The following AGBL1 variants were observed in gnomAD, a reference collection of about 807,000 sequenced individuals.
AGBL1 encodes cytosolic carboxypeptidase 4.
Under a neutral mutation model 118.9 loss-of-function variants are expected in AGBL1, and 130 were observed. That is an observed-to-expected ratio of 1.09 (90% CI 0.95 to 1.26). The LOEUF (loss-of-function observed/expected upper bound fraction) is 1.26, where lower values mean the gene tolerates loss of function less well. Ranked by LOEUF, AGBL1 falls within the 50% of genes most tolerant of loss-of-function variation. The pLI, the probability that AGBL1 is intolerant of heterozygous loss-of-function variation, is 0.00. For synonymous variants in AGBL1, 555 were observed against 478.9 expected (o/e 1.16, Z -2.08); for missense variants, 1,584 against 1,298.1 (o/e 1.22, Z -3.38).
At chr15:86,391,016 A>AT (rs1232516437) in intron 17 of AGBL1, among the ~76,000 whole-genome samples, 2 of 142,620 alleles carry the variant, frequency 1.4e-5, no homozygotes, top group African/African-American at 2.8e-5. Context: ...CACTATGGTG[A>AT]TAAAAAAAAA....
chr15:86,232,343 G>A (rs1288622492), intron 6 of AGBL1, among the ~76,000 whole-genome samples: 1 of 152,188 alleles, frequency 6.6e-6, no homozygotes, highest in Non-Finnish European at 1.5e-5. Flanking sequence ...CGGCCATGTG[G>A]TGGTGCTGTT....
Position 86,674,381 on chromosome 15 carries a change from C to T in AGBL1, c.3103C>T (p.Gln1035Ter), listed in dbSNP as rs768831404. Residue 1035 changes from glutamine (Q) to a stop codon, truncating the protein, a stop_gained, in exon 22 of 23, where the codon CAA becomes TAA. Coordinates refer to ENST00000614907, the MANE Select transcript of AGBL1 (RefSeq NM_001386094.1). LOFTEE classifies it high-confidence loss of function. ...CAGCTGCAGCCATCAGCTCCTGGCT[C>T]AAGCTGCAACTCTGCTGAGTGCTGA... ...SASCSHQLLA[Q>*]AATLLSAEED... 23 of 1,613,012 alleles carry T rather than the reference C, an allele frequency of 1.4e-5. No homozygotes were observed. The highest frequency in any genetic ancestry group is 3.3e-5 in the South Asian group (3 of 90,922).
At chr15:86,315,737 T>C (rs1450079065) in intron 17 of AGBL1, among the ~76,000 whole-genome samples, 1 of 124,766 alleles carries the variant, frequency 8.0e-6, no homozygotes, top group Non-Finnish European at 1.7e-5. Context: ...AAAAAAAAAG[T>C]ATATGTAAAA....
At chr15:86,747,262 T>A (rs2077771346) in intron 22 of AGBL1, among the ~76,000 whole-genome samples, 1 of 152,058 alleles carries the variant, frequency 6.6e-6, no homozygotes, top group Admixed American at 6.6e-5. Context: ...TTTGTAAAAA[T>A]ATTTGAAAGA....
rs1403970878 is a variant in AGBL1, at chr15:86,912,573, C to G, written c.*5279C>G. 1 of 152,130 alleles carries G rather than the reference C, an allele frequency of 6.6e-6. No individual in the cohort carries two copies. Among genetic ancestry groups the G allele is most frequent in the Non-Finnish European group, 1.5e-5 (1 of 68,042 alleles). 9.4% of individuals were successfully genotyped at this position (152,130 alleles called of 1,614,324 possible). A position where few individuals can be genotyped will look rare whatever the true frequency, so the allele number is the denominator to read the frequency against. ...TGAAATTAACCTGCTCCCTGAGTTA[C>G]AAGCTCACCTTGAGGGCTGCCAACA... On this transcript the variant is annotated 3_prime_UTR_variant, in exon 23 of 23. Coordinates refer to ENST00000614907, the MANE Select transcript of AGBL1 (RefSeq NM_001386094.1).
chr15:86,713,222 G>T (rs1223675051), intron 22 of AGBL1, among the ~76,000 whole-genome samples: 1 of 152,096 alleles, frequency 6.6e-6, no homozygotes, highest in Non-Finnish European at 1.5e-5. Context: ...AAAGAGTTTG[G>T]GGAAGGACAA....
At chr15:86,080,109 C>A in intron 1 of AGBL1, 86 bp downstream of exon 1, 1 of 1,072,614 alleles carries the variant, frequency 9.3e-7, no homozygotes. Flanking sequence ...ACACAGTCCC[C>A]TCTGGCAGTC....
chr15:86,921,664 G>A (rs2080483160), intron 23 of AGBL1, among the ~76,000 whole-genome samples: 1 of 152,148 alleles, frequency 6.6e-6, no homozygotes, highest in Non-Finnish European at 1.5e-5. Flanking sequence ...GATGAGGTTT[G>A]GAGTTGCCTA....
At position 86,213,879 on chromosome 15, in the gene AGBL1, C is replaced by G. The variant is rs1004698980; in HGVS notation, c.489-11035C>G. ...CTACTGTCAAAACTTTGTTGTTACC[C>G]CCTAAATTCTGTCTGTAATCATTAA... is the stretch of plus-strand genomic sequence containing the variant. On this transcript the variant is annotated intron_variant, in intron 5 of 22. Transcript: ENST00000614907. Among the ~76,000 whole-genome samples, 5 of 152,184 alleles carry G rather than the reference C, an allele frequency of 3.3e-5. No individual in the cohort carries two copies. The East Asian group carries it at 9.7e-4, about 29-fold the overall frequency.
At chr15:86,804,095 A>T (rs1213709687) in intron 22 of AGBL1, among the ~76,000 whole-genome samples, 1 of 152,168 alleles carries the variant, frequency 6.6e-6, no homozygotes, top group Non-Finnish European at 1.5e-5. Flanking sequence ...CTAGAAGACA[A>T]AGGGATCATG....
intron 18 of AGBL1, among the ~76,000 whole-genome samples, chr15:86,406,888 C>G (rs1166426690): frequency 6.6e-6 from 1 of 152,098 alleles, no homozygotes; most frequent in African/African-American, 2.4e-5. Context: ...TCATTATAAA[C>G]TGTAGAAAGA....
intron 17 of AGBL1, among the ~76,000 whole-genome samples, chr15:86,372,942 A>T (rs1296419208): frequency 6.6e-6 from 1 of 152,080 alleles, no homozygotes; most frequent in Non-Finnish European, 1.5e-5. Flanking sequence ...GGATTCCAGA[A>T]GAGTAAATTT....
intron 23 of AGBL1, among the ~76,000 whole-genome samples, chr15:86,977,456 G>A (rs966287059): frequency 2.7e-5 from 4 of 149,764 alleles, no homozygotes; most frequent in African/African-American, 7.3e-5. Flanking sequence ...AAATATCATT[G>A]GATAGTCATT....
At chr15:86,741,313 G>T (rs1596433883) in intron 22 of AGBL1, among the ~76,000 whole-genome samples, 1 of 137,862 alleles carries the variant, frequency 7.3e-6, no homozygotes, top group Non-Finnish European at 1.5e-5. Flanking sequence ...TACAGAAAAT[G>T]AGGGGCAGAA....
At chr15:86,942,860 C>A (rs1304261917) in intron 23 of AGBL1, among the ~76,000 whole-genome samples, 4 of 152,178 alleles carry the variant, frequency 2.6e-5, no homozygotes, top group African/African-American at 9.7e-5. Context: ...CCTTGTCAAT[C>A]CACCAATAGT....
intron 22 of AGBL1, among the ~76,000 whole-genome samples, chr15:86,884,362 A>C (rs1457707177): frequency 3.9e-5 from 6 of 152,174 alleles, no homozygotes; most frequent in Non-Finnish European, 8.8e-5. Context: ...TCATCACGCT[A>C]CACAGACCTG....
At chr15:86,243,767 G>A (rs892790051) in intron 6 of AGBL1, among the ~76,000 whole-genome samples, 3 of 152,120 alleles carry the variant, frequency 2.0e-5, no homozygotes, top group Admixed American at 6.5e-5. Context: ...CCAGCACTTG[G>A]GGAGGCCAAG....
intron 17 of AGBL1, among the ~76,000 whole-genome samples, chr15:86,317,501 A>G (rs144535046): frequency 6.6e-5 from 10 of 152,358 alleles, no homozygotes; most frequent in African/African-American, 2.4e-4. Flanking sequence ...TTCAGGCAGT[A>G]TGAATGATGA....
At chr15:86,205,483 G>T (rs759831554) in intron 5 of AGBL1, among the ~76,000 whole-genome samples, 1 of 151,686 alleles carries the variant, frequency 6.6e-6, no homozygotes, top group Non-Finnish European at 1.5e-5. Flanking sequence ...GAGCACAATT[G>T]CTGGATTGTA....
Sources: gnomAD v4.1 joint callset for allele counts (sites outside exome capture counted in the v4.1 genomes callset) on GRCh38, gnomAD v4.1.1 for gene constraint, MANE v1.5 for transcripts, NCBI Gene and HGNC (gene_info 2026-07-23, HGNC 2026-07-21) for gene names.